Variants in ST6GALNAC3 observed in about 807,000 individuals in gnomAD.
ST6GALNAC3 encodes alpha-N-acetylgalactosaminide alpha-2,6-sialyltransferase 3.
Under a neutral mutation model 32.7 loss-of-function variants are expected in ST6GALNAC3, and 25 were observed. The observed-to-expected ratio is 0.76, with a 90% CI of 0.56 to 1.07. The LOEUF (loss-of-function observed/expected upper bound fraction) is 1.07. Among genes scored for constraint, ST6GALNAC3 ranks in the 50% least tolerant of loss-of-function variants. The pLI, the probability that ST6GALNAC3 is intolerant of heterozygous loss-of-function variation, is 0.00. For missense variants in ST6GALNAC3, 355 were observed against 382.4 expected (o/e 0.93, Z 0.60); for synonymous variants, 129 against 133.1 (o/e 0.97, Z 0.21).
chr1:76,367,776 C>T (rs370641878), intron 2 of ST6GALNAC3, among the ~76,000 whole-genome samples: 2 of 152,176 alleles, frequency 1.3e-5, no homozygotes, highest in South Asian at 4.2e-4. Context: ...TTGAAGCTAC[C>T]GTCTAGAAAC....
intron 2 of ST6GALNAC3, among the ~76,000 whole-genome samples, chr1:76,386,398 G>GTAT (rs1436111125): frequency 6.6e-6 from 1 of 151,160 alleles, no homozygotes; most frequent in African/African-American, 2.4e-5. Flanking sequence ...CCTGGTACAT[G>GTAT]TATTAAGCAT....
At chr1:76,110,846 T>C (rs1395135346) in intron 1 of ST6GALNAC3, among the ~76,000 whole-genome samples, 1 of 152,220 alleles carries the variant, frequency 6.6e-6, no homozygotes, top group Non-Finnish European at 1.5e-5. Flanking sequence ...TTGGAGTAGA[T>C]TGTGAAACAC....
chr1:76,194,441 T>G (rs1034156195), intron 1 of ST6GALNAC3, among the ~76,000 whole-genome samples: 1 of 152,122 alleles, frequency 6.6e-6, no homozygotes, highest in Non-Finnish European at 1.5e-5. Context: ...TAGATAGCAT[T>G]AGAAATTAAA....
At chr1:76,500,013 CTCA>C (rs1661086421) in intron 3 of ST6GALNAC3, among the ~76,000 whole-genome samples, 1 of 152,002 alleles carries the variant, frequency 6.6e-6, no homozygotes. Context: ...ACAAAAGAAT[CTCA>C]TCTTCTTCAA....
intron 1 of ST6GALNAC3, among the ~76,000 whole-genome samples, chr1:76,153,608 T>G (rs1651194521): frequency 6.6e-6 from 1 of 152,204 alleles, no homozygotes; most frequent in African/African-American, 2.4e-5. Flanking sequence ...GCAAAGGGAC[T>G]TACTCCTTAC....
chr1:76,151,734 A>G (rs1651056037), intron 1 of ST6GALNAC3, among the ~76,000 whole-genome samples: 1 of 152,178 alleles, frequency 6.6e-6, no homozygotes, highest in Non-Finnish European at 1.5e-5. Flanking sequence ...GGTCAGGCCC[A>G]TGGGCACTGT....
At chr1:76,553,474 T>C (rs1015261084) in intron 3 of ST6GALNAC3, among the ~76,000 whole-genome samples, 3 of 152,176 alleles carry the variant, frequency 2.0e-5, no homozygotes, top group African/African-American at 7.2e-5. Context: ...TTAATCAGGC[T>C]GGCCATTTGT....
chr1:76,153,398 C>T (rs190796583), intron 1 of ST6GALNAC3, among the ~76,000 whole-genome samples: 3 of 152,096 alleles, frequency 2.0e-5, no homozygotes, highest in Admixed American at 6.5e-5. Flanking sequence ...GACCCATAGG[C>T]GGCTAGAGTG....
rs188479910 is a variant in ST6GALNAC3, at chr1:76,225,974, T to A, written c.19-87831T>A. Reference sequence around the variant, plus strand: ...TCTTTAATGTTATTTTTGCATTTAATCCTCATGAAGGTTAATAAAGTCTTC... The same window carrying A: ...TCTTTAATGTTATTTTTGCATTTAAACCTCATGAAGGTTAATAAAGTCTTC... On this transcript the variant is annotated intron_variant, in intron 1 of 4. Coordinates refer to ENST00000328299, the MANE Select transcript of ST6GALNAC3 (RefSeq NM_152996.4). 5.8e-4 allele frequency among the ~76,000 whole-genome samples: 88 copies of A among 152,322 alleles called. 1 individual carries two copies. The highest frequency in any genetic ancestry group is 5.1e-3 in the Admixed American group (78 of 15,300).
At chr1:76,556,503 G>C (rs1436201852) in intron 3 of ST6GALNAC3, among the ~76,000 whole-genome samples, 1 of 152,028 alleles carries the variant, frequency 6.6e-6, no homozygotes, top group Non-Finnish European at 1.5e-5. Flanking sequence ...TCTACCAACA[G>C]TTTATGAGGG....
intron 3 of ST6GALNAC3, among the ~76,000 whole-genome samples, chr1:76,439,936 A>G (rs1052261561): frequency 7.9e-5 from 12 of 152,206 alleles, no homozygotes; most frequent in African/African-American, 2.7e-4. Context: ...TGATAATACT[A>G]CCTCATAGGA....
chr1:76,340,589 C>G (rs7539896), intron 2 of ST6GALNAC3, among the ~76,000 whole-genome samples: 29,883 of 152,242 alleles, frequency 0.2, 3,786 homozygotes, highest in African/African-American at 0.36. Context: ...AGCAACTAAT[C>G]TGCCAGATGA....
At chr1:76,260,352 A>G (rs527316803) in intron 1 of ST6GALNAC3, among the ~76,000 whole-genome samples, 7 of 152,368 alleles carry the variant, frequency 4.6e-5, no homozygotes, top group African/African-American at 1.4e-4. Context: ...TTGAATGTCA[A>G]TCTGTGGAAG....
chr1:76,453,899 G>A (rs1019289730), intron 3 of ST6GALNAC3, among the ~76,000 whole-genome samples: 10 of 151,968 alleles, frequency 6.6e-5, no homozygotes, highest in Non-Finnish European at 1.2e-4. Context: ...CACTATTATT[G>A]TGTTGCTGTC....
intron 3 of ST6GALNAC3, among the ~76,000 whole-genome samples, chr1:76,476,744 A>G (rs1294195429): frequency 6.6e-6 from 1 of 152,164 alleles, no homozygotes; most frequent in Non-Finnish European, 1.5e-5. Flanking sequence ...GCTGCCATTA[A>G]AACCTTCAAC....
chr1:76,431,061 G>A (rs907125838), intron 3 of ST6GALNAC3, among the ~76,000 whole-genome samples: 1 of 152,088 alleles, frequency 6.6e-6, no homozygotes, highest in Non-Finnish European at 1.5e-5. Context: ...TTCCTGTGAT[G>A]CAGAGATCAG....
At chr1:76,635,017 T>C (rs914907897), downstream of ST6GALNAC3, among the ~76,000 whole-genome samples, 1 of 152,216 alleles carries the variant, frequency 6.6e-6, no homozygotes, top group Non-Finnish European at 1.5e-5. Flanking sequence ...AGAATACTAC[T>C]ATAAACAATA....
At chr1:76,436,313 A>G (rs917515255) in intron 3 of ST6GALNAC3, among the ~76,000 whole-genome samples, 3 of 152,128 alleles carry the variant, frequency 2.0e-5, no homozygotes, top group Admixed American at 2.0e-4. Flanking sequence ...AGGACCCAAA[A>G]GTTCATCAGA....
intron 3 of ST6GALNAC3, among the ~76,000 whole-genome samples, chr1:76,562,403 ACT>A (rs1232153645): frequency 6.6e-6 from 1 of 152,210 alleles, no homozygotes; most frequent in African/African-American, 2.4e-5. Flanking sequence ...CAGGGCTTGA[ACT>A]ACCATAGTGG....
Sources: gnomAD v4.1 joint callset for allele counts (sites outside exome capture counted in the v4.1 genomes callset) on GRCh38, gnomAD v4.1.1 for gene constraint, MANE v1.5 for transcripts, NCBI Gene and HGNC (gene_info 2026-07-23, HGNC 2026-07-21) for gene names.